STS: variants seen among roughly 807,000 people sequenced by gnomAD.
The protein encoded by STS is steroid sulfatase, also known as steryl-sulfatase.
STS carries 7 observed loss-of-function variants against 26.8 expected under a neutral mutation model. That is an observed-to-expected ratio of 0.26 (90% CI 0.15 to 0.49). The LOEUF is 0.49. Among genes scored for constraint, STS ranks in the 20% least tolerant of loss-of-function variants. The probability of loss-of-function intolerance (pLI) is 0.98; values close to 1 mark genes in which losing one functional copy is unlikely to be tolerated. For missense variants in STS, 434 were observed against 465.6 expected, an observed-to-expected ratio of 0.93 and a Z score of 0.63; for synonymous variants, 199 against 189.4, an observed-to-expected ratio of 1.05 and a Z score of -0.42.
chrX:7,205,759 C>A (rs1271746946), intron 2 of STS, among the ~76,000 whole-genome samples: 1 of 107,623 alleles, frequency 9.3e-6, no homozygotes, highest in Non-Finnish European at 1.9e-5. Context: ...GGTCCTCTCA[C>A]ACACCACCAC....
chrX:7,148,099 CG>C lies in STS; in HGVS notation c.-134+21del, dbSNP rs1932918300. The C allele has an allele frequency of 8.0e-6, 9 of 1,122,002 alleles. No individual in the cohort carries two copies. The highest frequency in any genetic ancestry group is 9.4e-6 in the Non-Finnish European group (8 of 847,739). The allele number at this position is 1,122,002 out of a possible 1,213,427, so 92.5% of individuals were successfully genotyped here. ...CAAAGATGAGGTGGGTGACGGGCTG[CG>C]GGGGCGCCGCCATGGTGGCGCCTTC... On this transcript the variant is annotated intron_variant, in intron 1 of 10. Coordinates refer to ENST00000674429, the MANE Select transcript of STS (RefSeq NM_001320752.2).
At chrX:7,339,786 A>G (rs1169251343) in intron 10 of STS, among the ~76,000 whole-genome samples, 1 of 112,064 alleles carries the variant, frequency 8.9e-6, no homozygotes, top group Admixed American at 9.5e-5. Context: ...GTGGAAAAAA[A>G]TCACCACATA....
chrX:7,193,943 G>A (rs1295801323), intron 2 of STS, among the ~76,000 whole-genome samples: 2 of 111,222 alleles, frequency 1.8e-5, no homozygotes, highest in Non-Finnish European at 3.8e-5. Context: ...TCACTCTGTC[G>A]TCCAGGCTGG....
chrX:7,193,094 C>A (rs1933907732), intron 2 of STS, among the ~76,000 whole-genome samples: 1 of 112,226 alleles, frequency 8.9e-6, no homozygotes, highest in African/African-American at 3.2e-5. Context: ...TAAATTTAAA[C>A]CCCATAACAG....
intron 2 of STS, among the ~76,000 whole-genome samples, chrX:7,215,614 C>T (rs754183405): frequency 9.0e-6 from 1 of 111,434 alleles, no homozygotes. Context: ...CCAGGATGAA[C>T]GGCATCCATA....
chrX:7,321,816 A>T (rs1927046112), intron 8 of STS, among the ~76,000 whole-genome samples: 1 of 112,084 alleles, frequency 8.9e-6, no homozygotes, highest in Admixed American at 9.5e-5. Flanking sequence ...CCTGACGGCT[A>T]CTTCAGTGCC....
At chrX:7,206,261 G>C (rs1441467164) in intron 2 of STS, among the ~76,000 whole-genome samples, 1 of 112,078 alleles carries the variant, frequency 8.9e-6, no homozygotes, top group Non-Finnish European at 1.9e-5. Flanking sequence ...ACCTGGTTAT[G>C]ATATCCTAAT....
chrX:7,236,022 TATTTA>T (rs1484165499), intron 2 of STS, among the ~76,000 whole-genome samples: 1 of 112,280 alleles, frequency 8.9e-6, no homozygotes, highest in Non-Finnish European at 1.9e-5. Context: ...AAATACCTAT[TATTTA>T]ATTTAATATA....
At chrX:7,183,550 GCA>G (rs1380044642) in intron 1 of STS, among the ~76,000 whole-genome samples, 1 of 112,191 alleles carries the variant, frequency 8.9e-6, no homozygotes, top group Non-Finnish European at 1.9e-5. Flanking sequence ...GTTTCCTAAC[GCA>G]CACAGAGTTT....
At chrX:7,278,934 C>T (rs1462165855) in intron 7 of STS, among the ~76,000 whole-genome samples, 3 of 111,340 alleles carry the variant, frequency 2.7e-5, no homozygotes, top group African/African-American at 9.8e-5. Context: ...TGTGCATACA[C>T]AAGAGCCTTC....
At chrX:7,169,115 C>T (rs1933410621) in intron 1 of STS, among the ~76,000 whole-genome samples, 1 of 111,303 alleles carries the variant, frequency 9.0e-6, no homozygotes, top group South Asian at 3.9e-4. Flanking sequence ...CAACCCTATA[C>T]CCTTTAACAG....
chrX:7,334,525 A>G (rs930504508), intron 10 of STS, among the ~76,000 whole-genome samples: 1 of 111,696 alleles, frequency 9.0e-6, no homozygotes, highest in African/African-American at 3.3e-5. Context: ...CTTCTCCTGG[A>G]AGGATGTCTT....
At chrX:7,241,106 G>A (rs1375716393) in intron 2 of STS, among the ~76,000 whole-genome samples, 1 of 111,647 alleles carries the variant, frequency 9.0e-6, no homozygotes, top group Non-Finnish European at 1.9e-5. Flanking sequence ...AATGCGCACA[G>A]TTTGTAGGAA....
At chrX:7,235,837 G>A (rs1489216861) in intron 2 of STS, among the ~76,000 whole-genome samples, 1 of 111,962 alleles carries the variant, frequency 8.9e-6, no homozygotes, top group Non-Finnish European at 1.9e-5. Context: ...GATATCCAAT[G>A]TTGGTTATTA....
chrX:7,167,691 A>G (rs979922487), intron 1 of STS, among the ~76,000 whole-genome samples: 1 of 110,997 alleles, frequency 9.0e-6, no homozygotes, highest in Admixed American at 9.5e-5. Flanking sequence ...GGGCAGGCTC[A>G]CCTAGGATCA....
At chrX:7,229,973 G>A (rs1166793072) in intron 2 of STS, among the ~76,000 whole-genome samples, 1 of 110,646 alleles carries the variant, frequency 9.0e-6, no homozygotes, top group African/African-American at 3.3e-5. Flanking sequence ...TGCACCCCGG[G>A]GCTCAAGAGA....
intron 8 of STS, among the ~76,000 whole-genome samples, chrX:7,319,421 A>C (rs989926320): frequency 9.1e-6 from 1 of 110,134 alleles, no homozygotes; most frequent in Non-Finnish European, 1.9e-5. Flanking sequence ...TAGGCCTCTC[A>C]AAGTGCTGGA....
chrX:7,283,755 G>A (rs1924991382), intron 7 of STS, among the ~76,000 whole-genome samples: 1 of 111,751 alleles, frequency 8.9e-6, no homozygotes, highest in African/African-American at 3.3e-5. Flanking sequence ...GACTGAAGTG[G>A]CAGATGGTGG....
intron 9 of STS, among the ~76,000 whole-genome samples, chrX:7,327,860 T>A (rs1569228169): frequency 8.9e-6 from 1 of 112,339 alleles, no homozygotes; most frequent in East Asian, 2.8e-4. Context: ...TGCCATTTCT[T>A]GTTTTGCCTA....
Sources: gnomAD v4.1 joint callset for allele counts (sites outside exome capture counted in the v4.1 genomes callset) on GRCh38, gnomAD v4.1.1 for gene constraint, MANE v1.5 for transcripts, NCBI Gene and HGNC (gene_info 2026-07-23, HGNC 2026-07-21) for gene names.